Variants in CFAP77 observed in about 807,000 individuals in gnomAD.
CFAP77 encodes cilia and flagella associated protein 77.
CFAP77 carries 25 observed loss-of-function variants against 31.1 expected under a neutral mutation model. The observed-to-expected ratio is 0.80, with a 90% CI of 0.59 to 1.12. The LOEUF (loss-of-function observed/expected upper bound fraction) is 1.12. Ranked by LOEUF, CFAP77 falls within the 50% of genes most tolerant of loss-of-function variation. The pLI is 0.00. For missense variants in CFAP77, 377 were observed against 397.3 expected (o/e 0.95, Z 0.44); for synonymous variants, 151 against 159.9 (o/e 0.94, Z 0.42).
At chr9:132,546,765 G>C (rs1410393213) in intron 5 of CFAP77, among the ~76,000 whole-genome samples, 2 of 152,236 alleles carry the variant, frequency 1.3e-5, no homozygotes, top group African/African-American at 4.8e-5. Flanking sequence ...TGGTGGCTGG[G>C]GCCCAGAAGG....
At chr9:132,561,663 C>CACACACACACA (rs1564253366) in intron 5 of CFAP77, among the ~76,000 whole-genome samples, 8 of 50,756 alleles carry the variant, frequency 1.6e-4, no homozygotes, top group African/African-American at 5.1e-4. Flanking sequence ...ACACACACAC[C>CACACACACACA]CCCTCCATGT....
At chr9:132,470,655 G>A (rs1488767083) in intron 1 of CFAP77, among the ~76,000 whole-genome samples, 1 of 152,228 alleles carries the variant, frequency 6.6e-6, no homozygotes, top group African/African-American at 2.4e-5. Context: ...ACAGCAGCAG[G>A]CCCACAGTAG....
chr9:132,422,030 C>T (rs558333293), intron 1 of CFAP77, among the ~76,000 whole-genome samples: 11 of 147,932 alleles, frequency 7.4e-5, no homozygotes, highest in African/African-American at 2.4e-4. Context: ...TTTTTTGAGA[C>T]GGAGTTTTGC....
At chr9:132,529,839 A>AAG (rs1554748190) in intron 3 of CFAP77, among the ~76,000 whole-genome samples, 17 of 145,178 alleles carry the variant, frequency 1.2e-4, no homozygotes, top group South Asian at 2.1e-4. Context: ...AAAAAAAAAG[A>AAG]AAAGAAAAGA....
chr9:132,425,708 C>T (rs148996938), intron 1 of CFAP77, among the ~76,000 whole-genome samples: 16 of 152,190 alleles, frequency 1.1e-4, no homozygotes, highest in African/African-American at 3.6e-4. Context: ...CAGCTAACGG[C>T]CTTCAATCAA....
At position 132,484,626 on chromosome 9, in the gene CFAP77, A is replaced by G. The variant is rs567003073; in HGVS notation, c.196-14069A>G. Among the ~76,000 whole-genome samples the G allele has an allele frequency of 4.6e-5, 7 of 152,230 alleles. No individual in the cohort carries two copies. The East Asian group carries it at 1.4e-3, about 29-fold the overall frequency. ...TGTGCGGATGTGCCAGGCTTGGCTTATTCATTCATCAGGACGTGGTGTGGT... is the reference window on the plus strand; with the variant it reads ...TGTGCGGATGTGCCAGGCTTGGCTTGTTCATTCATCAGGACGTGGTGTGGT... On this transcript the variant is annotated intron_variant, in intron 1 of 5. Transcript: ENST00000393216.
chr9:132,529,221 A>C (rs1288804816), intron 3 of CFAP77, among the ~76,000 whole-genome samples: 1 of 116,910 alleles, frequency 8.6e-6, no homozygotes, highest in African/African-American at 3.2e-5. Flanking sequence ...CATGGATGAA[A>C]TTGGAAACCA....
chr9:132,446,649 G>A (rs1395900196), intron 1 of CFAP77, among the ~76,000 whole-genome samples: 3 of 150,530 alleles, frequency 2.0e-5, no homozygotes, highest in African/African-American at 4.9e-5. Flanking sequence ...GCTGAGGCAG[G>A]AGAATAGTGT....
intron 3 of CFAP77, among the ~76,000 whole-genome samples, 169 bp from the exon 4 acceptor site, chr9:132,537,432 G>A (rs886487118): frequency 4.6e-5 from 7 of 152,210 alleles, no homozygotes; most frequent in African/African-American, 7.2e-5. Flanking sequence ...GCCTATGTGA[G>A]GGACCTGTTT....
In CFAP77 at chr9:132,495,128, A is replaced by G. The variant is rs1016119047; in HGVS notation, c.196-3567A>G. On this transcript the variant is annotated intron_variant, in intron 1 of 5. Transcript: ENST00000393216. This position sits in a 1 kb window ranked among gnomAD's most constrained non-coding sequence, Gnocchi z 4.2. The stretch of plus-strand genomic sequence containing the variant: ...TTCCAGCACAGAGGGCTTAGCGCTG[A>G]GTGGGTACAAAATAAATATTTGTGG... Among the ~76,000 whole-genome samples, 1 of 152,150 alleles carries G rather than the reference A, an allele frequency of 6.6e-6. No individual in the cohort carries two copies. The highest frequency in any genetic ancestry group is 1.5e-5 in the Non-Finnish European group (1 of 68,032).
At chr9:132,471,839 T>C (rs1484716033) in intron 1 of CFAP77, among the ~76,000 whole-genome samples, 1 of 152,160 alleles carries the variant, frequency 6.6e-6, no homozygotes, top group East Asian at 1.9e-4. Flanking sequence ...TAGATAGGAC[T>C]ATAGGCATGT....
In CFAP77 at chr9:132,499,669, G is replaced by A; in HGVS notation, c.524+69G>A. 5 of 1,425,800 alleles carry A rather than the reference G, an allele frequency of 3.5e-6. No homozygotes were observed. Among genetic ancestry groups the A allele is most frequent in the Non-Finnish European group, 4.9e-6 (5 of 1,014,124 alleles). The allele number at this position is 1,425,800 out of a possible 1,614,324, so 88.3% of individuals were successfully genotyped here. On this transcript the variant is annotated intron_variant, in intron 3 of 5. Transcript: ENST00000393216. The surrounding 1 kb of genome is among the most constrained non-coding windows in gnomAD (Gnocchi z 5.4). ...AGGTACCAGCTCAATCAGGGACAAG[G>A]TCGGAGGGTGACAGGGAAGTGGAGC...
chr9:132,568,742 T>C (rs1265364998), intron 5 of CFAP77, among the ~76,000 whole-genome samples: 1 of 152,026 alleles, frequency 6.6e-6, no homozygotes, highest in Non-Finnish European at 1.5e-5. Context: ...CTCTGTCCCA[T>C]AGTCTGGAGT....
At chr9:132,471,778 G>A (rs1426639833) in intron 1 of CFAP77, among the ~76,000 whole-genome samples, 1 of 152,058 alleles carries the variant, frequency 6.6e-6, no homozygotes, top group Non-Finnish European at 1.5e-5. Flanking sequence ...ATGACTCAAT[G>A]CAGCCTCGAA....
At chr9:132,571,293 C>T (rs1401356039) in intron 5 of CFAP77, among the ~76,000 whole-genome samples, 1 of 152,144 alleles carries the variant, frequency 6.6e-6, no homozygotes, top group Admixed American at 6.5e-5. Flanking sequence ...CAAAGTTGAG[C>T]TCTCTTGGAC....
At chr9:132,549,765 G>A (rs1300527929) in intron 5 of CFAP77, among the ~76,000 whole-genome samples, 1 of 152,152 alleles carries the variant, frequency 6.6e-6, no homozygotes, top group Non-Finnish European at 1.5e-5. Context: ...CTTGAGCCAC[G>A]GAGGTGGAGG....
intron 1 of CFAP77, among the ~76,000 whole-genome samples, chr9:132,466,386 T>G (rs1390886105): frequency 3.9e-5 from 6 of 152,216 alleles, no homozygotes; most frequent in Admixed American, 3.9e-4. Flanking sequence ...TTAGCAGGAT[T>G]GTGTCTCCAC....
intron 5 of CFAP77, among the ~76,000 whole-genome samples, chr9:132,548,446 C>T (rs1014547042): frequency 6.6e-6 from 1 of 152,066 alleles, no homozygotes; most frequent in Non-Finnish European, 1.5e-5. Flanking sequence ...TCCCAGTGTT[C>T]GACCTCCAGC....
Position 132,564,293 on chromosome 9 carries a change from T to C in CFAP77, c.733-8095T>C, listed in dbSNP as rs72767840. On this transcript the variant is annotated intron_variant, in intron 5 of 5. Coordinates refer to ENST00000393216, the MANE Select transcript of CFAP77 (RefSeq NM_001282957.2). The surrounding 1 kb of genome is among the most constrained non-coding windows in gnomAD (Gnocchi z 4.6). ...CTTCTCTAGGATAGCACCAGTTCATTCCACATGAGGATTTTTTCATTGAAA... is the reference window on the plus strand; with the variant it reads ...CTTCTCTAGGATAGCACCAGTTCATCCCACATGAGGATTTTTTCATTGAAA... 0.063 allele frequency among the ~76,000 whole-genome samples: 9,630 copies of C among 152,224 alleles called. 428 individuals are homozygous for C. Among genetic ancestry groups the C allele is most frequent in the Non-Finnish European group, 0.096 (6,532 of 68,010 alleles).
Sources: allele counts gnomAD v4.1 joint callset (sites outside exome capture counted in the v4.1 genomes callset), GRCh38; gene constraint gnomAD v4.1.1; non-coding constraint Gnocchi (gnomAD v3.1); transcripts MANE v1.5; gene names NCBI Gene and HGNC (gene_info 2026-07-23, HGNC 2026-07-21).